METTL8: variants seen among roughly 807,000 people sequenced by gnomAD.
METTL8 encodes the protein tRNA N(3)-cytidine methyltransferase METTL8, mitochondrial.
A neutral mutation model predicts 48.7 loss-of-function variants in METTL8; 32 were observed. That is an observed-to-expected ratio of 0.66 (90% CI 0.50 to 0.88). The LOEUF is 0.88. METTL8 is among the 40% of genes least tolerant of loss of function. The pLI is 0.00. For synonymous variants in METTL8, 136 were observed against 157.1 expected (o/e 0.87, Z 1.01); for missense variants, 464 against 474.4 (o/e 0.98, Z 0.20).
intron 3 of METTL8, among the ~76,000 whole-genome samples, chr2:171,354,413 T>C (rs1684293500): frequency 6.6e-6 from 1 of 152,214 alleles, no homozygotes; most frequent in Non-Finnish European, 1.5e-5. Flanking sequence ...ATTTCAACCT[T>C]GGTGAATCTG....
chr2:171,361,033 A>T (rs1053424679), intron 2 of METTL8, among the ~76,000 whole-genome samples: 2 of 152,150 alleles, frequency 1.3e-5, no homozygotes, highest in Non-Finnish European at 2.9e-5. Context: ...CTGTAAAAGG[A>T]TTCATTTGCA....
At chr2:171,422,800 T>C (rs1435350166) in intron 1 of METTL8, among the ~76,000 whole-genome samples, 2 of 152,190 alleles carry the variant, frequency 1.3e-5, no homozygotes, top group African/African-American at 4.8e-5. Context: ...AACTTAAGTC[T>C]GACAATACAA....
intron 1 of METTL8, among the ~76,000 whole-genome samples, chr2:171,430,503 T>C (rs1232020119): frequency 6.6e-6 from 1 of 152,126 alleles, no homozygotes; most frequent in East Asian, 1.9e-4. Context: ...AACTGCACGT[T>C]CTACACATGT....
intron 2 of METTL8, among the ~76,000 whole-genome samples, chr2:171,388,007 T>G (rs1688243405): frequency 6.6e-6 from 1 of 152,202 alleles, no homozygotes; most frequent in South Asian, 2.1e-4. Flanking sequence ...GTGCTGGACA[T>G]TTACACCTGA....
chr2:171,340,008 C>A (rs1686546961), intron 3 of METTL8, among the ~76,000 whole-genome samples: 1 of 151,176 alleles, frequency 6.6e-6, no homozygotes, highest in Admixed American at 6.6e-5. Context: ...ACCAGCCTGG[C>A]CAACATAGTG....
At chr2:171,357,638 G>C (rs1478098495) in intron 3 of METTL8, among the ~76,000 whole-genome samples, 2 of 151,668 alleles carry the variant, frequency 1.3e-5, no homozygotes, top group African/African-American at 4.8e-5. Context: ...TGGAATCCCA[G>C]TCAAAATACC....
intron 2 of METTL8, among the ~76,000 whole-genome samples, chr2:171,380,100 A>T (rs1687365031): frequency 6.6e-6 from 1 of 152,232 alleles, no homozygotes. Context: ...CAGCATATGC[A>T]AATCAATAAG....
At chr2:171,377,554 C>G (rs1574047952) in intron 2 of METTL8, among the ~76,000 whole-genome samples, 1 of 151,932 alleles carries the variant, frequency 6.6e-6, no homozygotes, top group East Asian at 1.9e-4. Context: ...AACAAATAAT[C>G]CTGTCAAAAA....
intron 3 of METTL8, among the ~76,000 whole-genome samples, chr2:171,348,721 T>A (rs1326839383): frequency 6.6e-6 from 1 of 152,160 alleles, no homozygotes; most frequent in Non-Finnish European, 1.5e-5. Flanking sequence ...GATGTTTACA[T>A]AGGTGTGTTA....
intron 3 of METTL8, among the ~76,000 whole-genome samples, chr2:171,355,367 C>T (rs2105458727): frequency 6.6e-6 from 1 of 151,692 alleles, no homozygotes; most frequent in Middle Eastern, 3.4e-3. Flanking sequence ...TATGAGGTGT[C>T]AGTCAGCCCC....
intron 3 of METTL8, among the ~76,000 whole-genome samples, chr2:171,356,952 A>ATGTTTTTTTTTGT: frequency 2.5e-5 from 2 of 78,468 alleles, no homozygotes; most frequent in Admixed American, 3.9e-4. Context: ...CAAAGACAAT[A>ATGTTTTTTTTTGT]TTTTTTTTTT....
At chr2:171,390,578 G>T (rs1378477032) in intron 2 of METTL8, among the ~76,000 whole-genome samples, 3 of 152,154 alleles carry the variant, frequency 2.0e-5, no homozygotes, top group African/African-American at 7.2e-5. Flanking sequence ...GATTCTAATG[G>T]ATGATAAGGG....
chr2:171,388,849 A>G (rs1229193367), intron 2 of METTL8, among the ~76,000 whole-genome samples: 1 of 152,174 alleles, frequency 6.6e-6, no homozygotes, highest in African/African-American at 2.4e-5. Context: ...GTGATCAGTG[A>G]TCTTTGATGT....
At chr2:171,395,656 T>C (rs1447751123) in intron 1 of METTL8, among the ~76,000 whole-genome samples, 1 of 152,180 alleles carries the variant, frequency 6.6e-6, no homozygotes, top group Non-Finnish European at 1.5e-5. Flanking sequence ...GTCTTAACTA[T>C]GCATGTACCT....
intron 2 of METTL8, among the ~76,000 whole-genome samples, chr2:171,386,061 G>A (rs1004546508): frequency 3.9e-5 from 6 of 152,210 alleles, no homozygotes; most frequent in East Asian, 3.8e-4. Context: ...AAGCTAGCCC[G>A]TGTGTTTGAG....
At position 171,339,397 on chromosome 2, in the gene METTL8, A is replaced by G; in HGVS notation, c.393T>C (p.Asp131=). 1 of 1,613,466 alleles carries G rather than the reference A, an allele frequency of 6.2e-7. No homozygotes were observed. The highest frequency in any genetic ancestry group is 1.1e-5 in the South Asian group (1 of 90,998). The change falls in exon 4 of 10, where the codon GAT becomes GAC. Residue 131 remains aspartate (D), a synonymous_variant. Transcript: ENST00000375258. The part of the protein sequence containing the change: ...PEEKARESSW[D]HVKTSATNRF... ...GATTTGTAGCACTAGTTTTTACATG[A>G]TCCCATGATGATTCTCTCGCCTTCT...
intron 1 of METTL8, among the ~76,000 whole-genome samples, chr2:171,409,119 T>A (rs964588459): frequency 3.3e-5 from 5 of 152,196 alleles, no homozygotes; most frequent in Admixed American, 6.5e-5. Context: ...ACAGGCTTAG[T>A]CCCAAGTTCA....
intron 5 of METTL8, among the ~76,000 whole-genome samples, chr2:171,334,026 A>G (rs560149070): frequency 3.3e-5 from 5 of 152,276 alleles, no homozygotes. Flanking sequence ...TTATTAAAGG[A>G]GATTGTTTTT....
intron 1 of METTL8, among the ~76,000 whole-genome samples, chr2:171,399,784 A>G (rs905984008): frequency 6.6e-6 from 1 of 152,086 alleles, no homozygotes; most frequent in Non-Finnish European, 1.5e-5. Context: ...ACTTTTTTTT[A>G]AAGAAGGATT....
Sources: allele counts gnomAD v4.1 joint callset (sites outside exome capture counted in the v4.1 genomes callset), GRCh38; gene constraint gnomAD v4.1.1; transcripts MANE v1.5; gene names NCBI Gene and HGNC (gene_info 2026-07-23, HGNC 2026-07-21).